Variants in KANK1 observed in about 807,000 individuals in gnomAD.
KANK1 encodes KN motif and ankyrin repeat domain-containing protein 1.
Under a neutral mutation model 106.2 loss-of-function variants are expected in KANK1, and 109 were observed. The observed-to-expected ratio is 1.03, with a 90% CI of 0.88 to 1.20. The LOEUF is 1.20. Among genes scored for constraint, KANK1 ranks in the 50% most tolerant of loss-of-function variants. KANK1 has a pLI of 0.00. For synonymous variants in KANK1, 873 were observed against 652.2 expected (o/e 1.34, Z -5.16); for missense variants, 2,399 against 1,710.7 (o/e 1.40, Z -7.10).
intron 1 of KANK1, among the ~76,000 whole-genome samples, chr9:640,678 T>G (rs1202083375): frequency 6.6e-6 from 1 of 151,546 alleles, no homozygotes; most frequent in African/African-American, 2.4e-5. Flanking sequence ...TTTACAGGTG[T>G]GAGCCACCAC....
chr9:531,749 T>G (rs1294001703), intron 1 of KANK1, among the ~76,000 whole-genome samples: 1 of 152,226 alleles, frequency 6.6e-6, no homozygotes, highest in African/African-American at 2.4e-5. Context: ...AGAGACCATT[T>G]TATTCTGAAC....
intron 3 of KANK1, among the ~76,000 whole-genome samples, chr9:720,723 C>G (rs1369245573): frequency 2.0e-5 from 3 of 152,184 alleles, no homozygotes; most frequent in Admixed American, 6.5e-5. Context: ...GTCTCAATCT[C>G]CCAGCCTCAA....
At chr9:585,000 AC>A (rs1457792044) in intron 1 of KANK1, among the ~76,000 whole-genome samples, 1 of 151,688 alleles carries the variant, frequency 6.6e-6, no homozygotes, top group African/African-American at 2.4e-5. Flanking sequence ...GTCATGAGTG[AC>A]CCCCTTCCTT....
chr9:651,204 G>C (rs953197960), intron 1 of KANK1, among the ~76,000 whole-genome samples: 3 of 152,140 alleles, frequency 2.0e-5, no homozygotes, highest in South Asian at 4.1e-4. Context: ...CCTTAGGAAT[G>C]GGGTTTTATT....
chr9:564,057 T>A (rs922625464), intron 1 of KANK1, among the ~76,000 whole-genome samples: 5 of 144,054 alleles, frequency 3.5e-5, no homozygotes, highest in Non-Finnish European at 5.9e-5. Context: ...ATGTGCACTT[T>A]CTTTCTTTTT....
At chr9:655,855 C>T (rs894438031) in intron 1 of KANK1, among the ~76,000 whole-genome samples, 2 of 152,192 alleles carry the variant, frequency 1.3e-5, no homozygotes, top group Non-Finnish European at 2.9e-5. Flanking sequence ...CTCAGAGTTT[C>T]AATCAAATGT....
At chr9:675,318 G>A (rs1816172875) in intron 1 of KANK1, among the ~76,000 whole-genome samples, 2 of 151,832 alleles carry the variant, frequency 1.3e-5, no homozygotes, top group South Asian at 2.2e-4. Context: ...GGTCATGTGG[G>A]TTTCTGAATT....
chr9:501,898 A>T (rs2058560638), upstream of KANK1, among the ~76,000 whole-genome samples: 1 of 152,174 alleles, frequency 6.6e-6, no homozygotes, highest in Non-Finnish European at 1.5e-5. Context: ...CATGTTTGAC[A>T]ATCTTTCGCA....
At position 672,507 on chromosome 9, in the gene KANK1, A is replaced by G. The variant is rs924006843; in HGVS notation, c.-83-4383A>G. On this transcript the variant is annotated intron_variant, in intron 1 of 11. Coordinates refer to ENST00000382297, the MANE Select transcript of KANK1 (RefSeq NM_015158.5). The stretch of plus-strand genomic sequence containing the variant: ...GACATTTTATATTTCAATAACTAAT[A>G]GTAAGAGGTCTATTAACATTAGCTG... Among the ~76,000 whole-genome samples the G allele has an allele frequency of 2.6e-5, 4 of 152,266 alleles. No individual in the cohort carries two copies. The East Asian group carries it at 5.8e-4, about 22-fold the overall frequency.
In KANK1 at chr9:738,394, C is replaced by G. The variant is rs373732675; in HGVS notation, c.3443C>G (p.Pro1148Arg). 1.2e-6 allele frequency: 2 copies of G among 1,614,112 alleles called. No individual in the cohort carries two copies. The highest frequency in any genetic ancestry group is 8.5e-7 in the Non-Finnish European group (1 of 1,179,990). Residue 1148 changes from proline (P) to arginine (R), a missense_variant, in exon 8 of 12, where the codon CCA becomes CGA. By Grantham distance (103) the Pro-to-Arg change is moderately radical (BLOSUM62 -2). Coordinates refer to ENST00000382297, the MANE Select transcript of KANK1 (RefSeq NM_015158.5). ...ATAGCTGCTTTTGAGGCCATTTCCCCAGATGTCCTCCGCTATGTCATCAAC... is the reference window on the plus strand; with the variant it reads ...ATAGCTGCTTTTGAGGCCATTTCCCGAGATGTCCTCCGCTATGTCATCAAC... ...DYIAAFEAISPDVLRYVINLA... is the reference protein window; with the variant it reads ...DYIAAFEAISRDVLRYVINLA...
chr9:684,553 C>G (rs1488342988), intron 2 of KANK1: 4 of 985,314 alleles, frequency 4.1e-6, no homozygotes, highest in African/African-American at 3.5e-5. Flanking sequence ...GTGCTCTGCT[C>G]TTCCTCAGCA....
chr9:540,645 C>A (rs576280101), intron 1 of KANK1: 31 of 152,284 alleles, frequency 2.0e-4, no homozygotes, highest in African/African-American at 6.5e-4. Context: ...GCCGTGACAT[C>A]CTGGGATATT....
chr9:532,237 CTTTT>C (rs34351693), intron 1 of KANK1, among the ~76,000 whole-genome samples: 3 of 107,760 alleles, frequency 2.8e-5, no homozygotes, highest in East Asian at 2.7e-4. Flanking sequence ...GAGCATTTGT[CTTTT>C]TTTTTTTTTT....
intron 1 of KANK1, among the ~76,000 whole-genome samples, chr9:542,355 G>A (rs2060654590): frequency 6.6e-6 from 1 of 152,186 alleles, no homozygotes; most frequent in African/African-American, 2.4e-5. Flanking sequence ...CAAAACCACA[G>A]TGAGGTATCA....
At chr9:635,844 G>A (rs1032862441) in intron 1 of KANK1, among the ~76,000 whole-genome samples, 9 of 151,686 alleles carry the variant, frequency 5.9e-5, no homozygotes, top group African/African-American at 2.4e-5. Flanking sequence ...CGGTACAGGT[G>A]CACACCACTT....
chr9:583,692 A>G (rs1822739437), intron 1 of KANK1, among the ~76,000 whole-genome samples: 1 of 150,122 alleles, frequency 6.7e-6, no homozygotes, highest in Admixed American at 6.7e-5. Context: ...ATATATAAAT[A>G]TATAAATCCA....
intron 1 of KANK1, among the ~76,000 whole-genome samples, chr9:622,493 G>C (rs932284362): frequency 2.0e-4 from 31 of 152,162 alleles, no homozygotes; most frequent in South Asian, 2.1e-4. Flanking sequence ...ATACGCAATG[G>C]GGGAAAGGAC....
intron 1 of KANK1, among the ~76,000 whole-genome samples, chr9:546,153 C>G (rs987184627): frequency 1.3e-5 from 2 of 152,126 alleles, no homozygotes; most frequent in Non-Finnish European, 2.9e-5. Flanking sequence ...TATGTGCCAC[C>G]TTAGCTGGGT....
At chr9:566,473 C>T (rs574061857) in intron 1 of KANK1, among the ~76,000 whole-genome samples, 4 of 152,168 alleles carry the variant, frequency 2.6e-5, no homozygotes, top group Non-Finnish European at 5.9e-5. Flanking sequence ...ATACTTCCAC[C>T]AATACTGTGT....
Sources: gnomAD v4.1 joint callset for allele counts (sites outside exome capture counted in the v4.1 genomes callset) on GRCh38, gnomAD v4.1.1 for gene constraint, MANE v1.5 for transcripts, NCBI Gene and HGNC (gene_info 2026-07-23, HGNC 2026-07-21) for gene names.